ECPAS: variants seen among roughly 807,000 people sequenced by gnomAD.
The protein encoded by ECPAS is Ecm29 proteasome adaptor and scaffold, also known as proteasome adapter and scaffold protein ECM29.
ECPAS carries 70 observed loss-of-function variants against 255.1 expected under a neutral mutation model. The observed-to-expected ratio is 0.27, with a 90% CI of 0.23 to 0.33. The LOEUF (loss-of-function observed/expected upper bound fraction) is 0.33. ECPAS is among the 10% of genes least tolerant of loss of function. ECPAS has a pLI of 1.00. For missense variants in ECPAS, 1,817 were observed against 2,206.4 expected (o/e 0.82, Z 3.54); for synonymous variants, 784 against 775.0 (o/e 1.01, Z -0.19).
At chr9:111,441,315 C>T (rs995059298) in intron 5 of ECPAS, among the ~76,000 whole-genome samples, 3 of 151,910 alleles carry the variant, frequency 2.0e-5, no homozygotes, top group African/African-American at 7.3e-5. Context: ...ACCAGCCTGG[C>T]CAACATGGTA....
intron 35 of ECPAS, 37 bp downstream of exon 35, chr9:111,383,174 C>T (rs771900214): frequency 1.9e-6 from 3 of 1,605,870 alleles, no homozygotes; most frequent in Non-Finnish European, 2.6e-6. Context: ...AGGAACTGAG[C>T]AAATCCAATA....
At chr9:111,458,052 C>T (rs2098269013) in intron 2 of ECPAS, among the ~76,000 whole-genome samples, 1 of 152,072 alleles carries the variant, frequency 6.6e-6, no homozygotes, top group Admixed American at 6.5e-5. Flanking sequence ...GTATAAAATT[C>T]CTCCTTTGCA....
intron 24 of ECPAS, 78 bp downstream of exon 24, chr9:111,408,493 C>T: frequency 1.2e-6 from 1 of 809,994 alleles, no homozygotes; most frequent in Non-Finnish European, 1.9e-6. Context: ...TCACAGCATG[C>T]AAAACTGCAC....
chr9:111,376,338 T>G, intron 37 of ECPAS, 138 bp downstream of exon 37: 6 of 639,328 alleles, frequency 9.4e-6, no homozygotes, highest in Non-Finnish European at 1.4e-5. Context: ...AGAAATATAC[T>G]AAGAAAAAAC....
intron 6 of ECPAS, among the ~76,000 whole-genome samples, chr9:111,437,911 G>T (rs2098240428): frequency 6.6e-6 from 1 of 152,008 alleles, no homozygotes; most frequent in African/African-American, 2.4e-5. Flanking sequence ...GATCTATGAT[G>T]ATAAATTCCA....
chr9:111,361,226 C>CA lies in ECPAS; in HGVS notation c.*803dup, dbSNP rs1402109471. The CA allele has an allele frequency of 5.3e-5, 8 of 152,188 alleles. No individual in the cohort carries two copies. The highest frequency in any genetic ancestry group is 6.6e-5 in the Admixed American group (1 of 15,266). The allele number at this position is 152,188 out of a possible 1,614,324, so 9.4% of individuals were successfully genotyped here. A position where few individuals can be genotyped will look rare whatever the true frequency, so the allele number is the denominator to read the frequency against. ...TTTGCAAAATATGCAGCCACAGACA[C>CA]AGATAGAATGTGTGATCTTGTCCTA... On this transcript the variant is annotated 3_prime_UTR_variant, in exon 50 of 50. Transcript: ENST00000684092.
At chr9:111,428,918 G>A (rs2098225744) in intron 9 of ECPAS, among the ~76,000 whole-genome samples, 1 of 152,086 alleles carries the variant, frequency 6.6e-6, no homozygotes, top group South Asian at 2.1e-4. Flanking sequence ...ACTGAGTTAA[G>A]CAAATGTTTC....
intron 20 of ECPAS, among the ~76,000 whole-genome samples, chr9:111,412,567 G>A (rs1333528177): frequency 2.6e-5 from 4 of 151,948 alleles, no homozygotes; most frequent in East Asian, 1.9e-4. Flanking sequence ...AACATTATTC[G>A]TTTCTTGATT....
At position 111,484,056 on chromosome 9, in the gene ECPAS, C is replaced by A. The variant is rs922903340; in HGVS notation, c.-83+60G>T. ...CGGCGGCCTGTGCGGGCGGCCCGGC[C>A]TAACCGCGCCGCCGCGCGCGCAGGG... On this transcript the variant is annotated intron_variant, in intron 1 of 49. Transcript: ENST00000684092. 2.3e-5 allele frequency: 26 copies of A among 1,120,048 alleles called. No individual in the cohort carries two copies. The African/African-American group carries it at 3.8e-4, about 16-fold the overall frequency. The allele number at this position is 1,120,048 out of a possible 1,614,324, so 69.4% of individuals were successfully genotyped here.
At chr9:111,464,033 AAATT>A (rs934270081) in intron 2 of ECPAS, among the ~76,000 whole-genome samples, 6 of 152,196 alleles carry the variant, frequency 3.9e-5, no homozygotes, top group Non-Finnish European at 7.3e-5. Context: ...AGTGTTAAAT[AAATT>A]AACAGTGATA....
At chr9:111,474,985 GT>G (rs1273458479) in intron 1 of ECPAS, among the ~76,000 whole-genome samples, 1 of 151,988 alleles carries the variant, frequency 6.6e-6, no homozygotes, top group Non-Finnish European at 1.5e-5. Flanking sequence ...AGCTTTTTTT[GT>G]TTTGCATAAT....
At chr9:111,426,393 C>T (rs1365580455) in intron 10 of ECPAS, among the ~76,000 whole-genome samples, 2 of 150,600 alleles carry the variant, frequency 1.3e-5, no homozygotes, top group Non-Finnish European at 3.0e-5. Flanking sequence ...AAACTCTATA[C>T]TCTTGTTCCT....
intron 5 of ECPAS, among the ~76,000 whole-genome samples, chr9:111,441,937 C>T (rs1370004876): frequency 6.6e-6 from 1 of 152,174 alleles, no homozygotes; most frequent in African/African-American, 2.4e-5. Flanking sequence ...CAAACGAGTG[C>T]TCTGTTCCTT....
Position 111,437,016 on chromosome 9 carries a change from G to A in ECPAS, c.632C>T (p.Pro211Leu). ...NSGGGSGIPQ[P>L]PPGMSFYAAK... Reference sequence around the variant, plus strand: ...TGCATAAAAGCTCATTCCCGGAGGAGGCTGTGGGATTCCAGAACCTCCGCC... The same window carrying A: ...TGCATAAAAGCTCATTCCCGGAGGAAGCTGTGGGATTCCAGAACCTCCGCC... Residue 211 changes from proline (P) to leucine (L), a missense_variant, in exon 7 of 50, where the codon CCT becomes CTT. Pro to Leu is a moderately conservative substitution (Grantham distance 98). Transcript: ENST00000684092. The A allele has an allele frequency of 3.7e-6, 6 of 1,613,054 alleles. No individual in the cohort carries two copies. The highest frequency in any genetic ancestry group is 5.1e-6 in the Non-Finnish European group (6 of 1,179,526).
chr9:111,403,792 C>G lies in ECPAS; in HGVS notation c.2652+4779G>C, dbSNP rs1028774232. Among the ~76,000 whole-genome samples the G allele has an allele frequency of 2.0e-5, 3 of 149,870 alleles. 1 individual carries two copies. Among genetic ancestry groups the G allele is most frequent in the East Asian group, 4.0e-4 (2 of 4,978 alleles). On this transcript the variant is annotated intron_variant, in intron 24 of 49. Transcript: ENST00000684092. ...GACATTTACAGAACATTTCATCCAA[C>G]TGCTATAGAATACACGTTTTCTCAT...
rs2098210725 is a variant in ECPAS at position 111,419,918 on chromosome 9, A to G, written c.1559+99T>C. 4 of 877,712 alleles carry G rather than the reference A, an allele frequency of 4.6e-6. No individual in the cohort carries two copies. The Admixed American group carries it at 8.2e-5, about 18-fold the overall frequency. The allele number at this position is 877,712 out of a possible 1,614,324, so 54.4% of individuals were successfully genotyped here. ...ATACTTTCTTTAATAAATAGCTTCTAAATTTCATAGACCAACATTGTAAAC... is the reference window on the plus strand; with the variant it reads ...ATACTTTCTTTAATAAATAGCTTCTGAATTTCATAGACCAACATTGTAAAC... On this transcript the variant is annotated intron_variant, in intron 16 of 49. Coordinates refer to ENST00000684092, the MANE Select transcript of ECPAS (RefSeq NM_001364929.1).
At chr9:111,405,559 T>TA (rs2098182777) in intron 24 of ECPAS, among the ~76,000 whole-genome samples, 2 of 149,760 alleles carry the variant, frequency 1.3e-5, no homozygotes, top group Non-Finnish European at 2.9e-5. Flanking sequence ...TATATCAAGC[T>TA]AAAAAGCTTC....
At chr9:111,444,994 T>A in intron 3 of ECPAS, among the ~76,000 whole-genome samples, 1 of 67,086 alleles carries the variant, frequency 1.5e-5, no homozygotes, top group Admixed American at 1.6e-4. Context: ...GCTCCTGGCT[T>A]TTTTTTTTTT....
chr9:111,440,283 A>G, intron 6 of ECPAS, 89 bp downstream of exon 6: 1 of 1,180,710 alleles, frequency 8.5e-7, no homozygotes, highest in East Asian at 2.4e-5. Context: ...GCATTCATTT[A>G]CTAGTGAGAG....
Sources: allele counts gnomAD v4.1 joint callset (sites outside exome capture counted in the v4.1 genomes callset), GRCh38; gene constraint gnomAD v4.1.1; transcripts MANE v1.5; gene names NCBI Gene and HGNC (gene_info 2026-07-23, HGNC 2026-07-21).